ARHGAP32: variants seen among roughly 807,000 people sequenced by gnomAD.
The protein encoded by ARHGAP32 is Rho GTPase activating protein 32, also known as rho GTPase-activating protein 32.
In ARHGAP32, 51 loss-of-function variants were observed where a neutral mutation model predicts 186.5. That is an observed-to-expected ratio of 0.27 (90% CI 0.22 to 0.35). The LOEUF (loss-of-function observed/expected upper bound fraction) is 0.35, where lower values mean the gene tolerates loss of function less well. ARHGAP32 is among the 10% of genes least tolerant of loss of function. The pLI, the probability that ARHGAP32 is intolerant of heterozygous loss-of-function variation, is 1.00. For synonymous variants in ARHGAP32, 950 were observed against 964.3 expected, an observed-to-expected ratio of 0.99 and a Z score of 0.27; for missense variants, 2,186 against 2,623.5, an observed-to-expected ratio of 0.83 and a Z score of 3.64.
chr11:129,015,205 A>C (rs984127589), intron 11 of ARHGAP32, among the ~76,000 whole-genome samples: 16 of 152,298 alleles, frequency 1.1e-4, no homozygotes, highest in Non-Finnish European at 1.6e-4. Flanking sequence ...CTTAATGCTT[A>C]ATCAGCTTTG....
At position 129,245,145 on chromosome 11, in the gene ARHGAP32, C is replaced by T. The variant is rs1416959698; in HGVS notation, c.-5+34001G>A. On this transcript the variant is annotated intron_variant, in intron 1 of 6. Coordinates refer to the ARHGAP32 transcript ENST00000525234. ...AATCATGCTGCTATAAAGACACATG[C>T]ACACGTATGTTTATTGTGGCATTAT... 5.2e-4 allele frequency among the ~76,000 whole-genome samples: 75 copies of T among 143,336 alleles called. No homozygotes were observed. The East Asian group carries it at 0.012, about 22-fold the overall frequency. The allele number at this position is 143,336 out of a possible 152,430, so 94.0% of individuals were successfully genotyped here.
intron 1 of ARHGAP32, among the ~76,000 whole-genome samples, chr11:129,165,706 G>C (rs1173885038): frequency 6.6e-6 from 1 of 151,232 alleles, no homozygotes; most frequent in Non-Finnish European, 1.5e-5. Context: ...GTGATTTTCT[G>C]CCTATGATGC....
In ARHGAP32 at chr11:129,055,765, G is replaced by A. The variant is rs369145722; in HGVS notation, c.963+6515C>T. ...AAGATCACAGGTTGTGAAGGGTTCAGCAGGAAAGGAAAAATAGGAGAAGCA... is the reference window on the plus strand; with the variant it reads ...AAGATCACAGGTTGTGAAGGGTTCAACAGGAAAGGAAAAATAGGAGAAGCA... On this transcript the variant is annotated intron_variant, in intron 10 of 22. Transcript: ENST00000682385. Among the ~76,000 whole-genome samples the A allele has an allele frequency of 4.6e-5, 7 of 152,286 alleles. No individual in the cohort carries two copies. The East Asian group carries it at 1.2e-3, about 25-fold the overall frequency.
chr11:129,193,531 A>AATATATATATTATATATAAT (rs1261419136), upstream of ARHGAP32, among the ~76,000 whole-genome samples: 2 of 64,066 alleles, frequency 3.1e-5, no homozygotes, highest in African/African-American at 6.3e-5. Flanking sequence ...TAGAGCATAT[A>AATATATATATTATATATAAT]ATATATATAT....
At position 128,973,407 on chromosome 11, in the gene ARHGAP32, C is replaced by T; in HGVS notation, c.3099G>A (p.Gln1033=). ...AGACTGAACTGACAGGAACGGAATCCTGAGGGGGGTCATGGGTAACTGCTC... is the reference window on the plus strand; with the variant it reads ...AGACTGAACTGACAGGAACGGAATCTTGAGGGGGGTCATGGGTAACTGCTC... ...QTGAVTHDPP[Q]DSVPVSSVSL... is the part of the protein sequence containing the mutation. The change falls in exon 22 of 23, where the codon CAG becomes CAA. Residue 1033 remains glutamine (Q), a synonymous_variant. Transcript: ENST00000682385. 1 of 1,613,700 alleles carries T rather than the reference C, an allele frequency of 6.2e-7. No individual in the cohort carries two copies. The highest frequency in any genetic ancestry group is 8.5e-7 in the Non-Finnish European group (1 of 1,179,878).
chr11:129,263,242 T>G (rs1945347954), intron 1 of ARHGAP32, among the ~76,000 whole-genome samples: 1 of 152,058 alleles, frequency 6.6e-6, no homozygotes, highest in Admixed American at 6.5e-5. Context: ...TAGACAACAT[T>G]AATATTAAAA....
At chr11:129,094,695 T>C (rs926420156) in intron 5 of ARHGAP32, among the ~76,000 whole-genome samples, 3 of 152,226 alleles carry the variant, frequency 2.0e-5, no homozygotes, top group African/African-American at 2.4e-5. Context: ...ATCATGCTAC[T>C]TGCTTTGTTA....
At chr11:128,995,001 T>A (rs892293600) in intron 12 of ARHGAP32, among the ~76,000 whole-genome samples, 1 of 152,150 alleles carries the variant, frequency 6.6e-6, no homozygotes, top group African/African-American at 2.4e-5. Flanking sequence ...GGGATTAATC[T>A]TCCAGGATTA....
At chr11:129,144,640 A>G (rs1388134604) in intron 2 of ARHGAP32, among the ~76,000 whole-genome samples, 2 of 152,216 alleles carry the variant, frequency 1.3e-5, no homozygotes, top group Non-Finnish European at 2.9e-5. Flanking sequence ...AAATTTCAGT[A>G]GCTGGTAATT....
chr11:129,143,002 T>G (rs1195619322), intron 2 of ARHGAP32, among the ~76,000 whole-genome samples: 6 of 136,698 alleles, frequency 4.4e-5, no homozygotes, highest in Non-Finnish European at 7.9e-5. Context: ...AATATAGTGA[T>G]GAAGGGGAAA....
rs141611325 is a variant in ARHGAP32, at chr11:129,090,892, C to A, written c.531+2729G>T. 4.7e-3 allele frequency among the ~76,000 whole-genome samples: 721 copies of A among 152,168 alleles called. 3 individuals carry two copies. The highest frequency in any genetic ancestry group is 0.027 in the South Asian group (128 of 4,816). Reference sequence around the variant, plus strand: ...CTACTGTGACATATTCCTGAGATTACTAGAATTTTTATTAATTTCCATTAA... The same window carrying A: ...CTACTGTGACATATTCCTGAGATTAATAGAATTTTTATTAATTTCCATTAA... On this transcript the variant is annotated intron_variant, in intron 6 of 22. Coordinates refer to ENST00000682385, the MANE Select transcript of ARHGAP32 (RefSeq NM_001378024.1).
intron 1 of ARHGAP32, among the ~76,000 whole-genome samples, chr11:129,188,724 T>C (rs1944215263): frequency 6.6e-6 from 1 of 152,198 alleles, no homozygotes; most frequent in Non-Finnish European, 1.5e-5. Flanking sequence ...GTTCACCAAA[T>C]CATCCAGTTT....
chr11:129,106,341 T>C (rs1591619450), intron 5 of ARHGAP32, among the ~76,000 whole-genome samples: 1 of 151,920 alleles, frequency 6.6e-6, no homozygotes, highest in South Asian at 2.1e-4. Flanking sequence ...ACTACACAGC[T>C]ATAAAAAAGA....
At chr11:129,193,773 A>T (rs1223817456), upstream of ARHGAP32, among the ~76,000 whole-genome samples, 5 of 119,962 alleles carry the variant, frequency 4.2e-5, no homozygotes, top group African/African-American at 1.6e-4. Context: ...TATAAATTTT[A>T]AAAACTTTTC....
intron 11 of ARHGAP32, among the ~76,000 whole-genome samples, chr11:129,033,917 C>T (rs147770001): frequency 0.012 from 1,868 of 152,306 alleles, 39 homozygotes; most frequent in African/African-American, 0.041. Context: ...GGACTCTATT[C>T]TGTTCCATTG....
Position 129,209,436 on chromosome 11 carries a change from TATATAAAAAAAAGTAA to T in ARHGAP32, c.-4-45025_-4-45010del, listed in dbSNP as rs1347728100. Among the ~76,000 whole-genome samples, 343 of 151,382 alleles carry T rather than the reference TATATAAAAAAAAGTAA, an allele frequency of 2.3e-3. 1 individual carries two copies. The highest frequency in any genetic ancestry group is 7.8e-3 in the African/African-American group (321 of 41,308). On this transcript the variant is annotated intron_variant, in intron 1 of 6. Transcript: ENST00000525234. ...TTCTAAATACAAAAAAAAAGTAAGA[TATATAAAAAAAAGTAA>T]ATATAAAAAAAAGTAGGATTCTAAA...
chr11:129,161,863 A>G (rs1234568380), intron 2 of ARHGAP32, among the ~76,000 whole-genome samples: 1 of 152,214 alleles, frequency 6.6e-6, no homozygotes, highest in Non-Finnish European at 1.5e-5. Context: ...TTACTTCAAC[A>G]CTGTTCACAA....
intron 6 of ARHGAP32, among the ~76,000 whole-genome samples, chr11:129,089,824 G>T (rs1302191054): frequency 1.3e-5 from 2 of 152,156 alleles, no homozygotes; most frequent in Non-Finnish European, 2.9e-5. Flanking sequence ...CAATAAAAAT[G>T]GAAAGAAATG....
intron 1 of ARHGAP32, among the ~76,000 whole-genome samples, chr11:129,225,524 C>G (rs569135457): frequency 4.2e-4 from 64 of 152,208 alleles, no homozygotes; most frequent in African/African-American, 1.5e-3. Context: ...GACCACAAAG[C>G]CATTTGAACA....
Sources: allele counts gnomAD v4.1 joint callset (sites outside exome capture counted in the v4.1 genomes callset), GRCh38; gene constraint gnomAD v4.1.1; transcripts MANE v1.5; gene names NCBI Gene and HGNC (gene_info 2026-07-23, HGNC 2026-07-21).